The following SPTBN1 variants were observed in gnomAD, a reference collection of about 807,000 sequenced individuals.
SPTBN1 encodes spectrin beta chain, non-erythrocytic 1.
A neutral mutation model predicts 266.4 loss-of-function variants in SPTBN1; 32 were observed. The observed-to-expected ratio is 0.12, with a 90% CI of 0.09 to 0.16. The LOEUF (loss-of-function observed/expected upper bound fraction) is 0.16. Among genes scored for constraint, SPTBN1 ranks in the 10% least tolerant of loss-of-function variants. SPTBN1 has a pLI of 1.00. For missense variants in SPTBN1, 2,296 were observed against 3,067.1 expected (o/e 0.75, Z 5.94); for synonymous variants, 1,336 against 1,162.2 (o/e 1.15, Z -3.04).
chr2:54,557,738 T>C, intron 2 of SPTBN1: 1 of 985,414 alleles, frequency 1.0e-6, no homozygotes, highest in South Asian at 4.7e-5. Flanking sequence ...CGAATTCCTA[T>C]CATAGGCCCG....
chr2:54,528,979 C>A (rs962659767), intron 2 of SPTBN1, among the ~76,000 whole-genome samples: 1 of 152,038 alleles, frequency 6.6e-6, no homozygotes, highest in African/African-American at 2.4e-5. Context: ...TATTTTACTT[C>A]CTTATTCTGT....
chr2:54,575,069 T>C (rs4346422), intron 2 of SPTBN1, among the ~76,000 whole-genome samples: 48,468 of 152,026 alleles, frequency 0.32, 9,522 homozygotes, highest in African/African-American at 0.56. Flanking sequence ...TTTCTGTGAA[T>C]TCAAGGCGTG....
chr2:54,460,593 C>T (rs1693313833), intron 1 of SPTBN1, among the ~76,000 whole-genome samples: 1 of 152,222 alleles, frequency 6.6e-6, no homozygotes, highest in Admixed American at 6.5e-5. Flanking sequence ...ATCTTGATGT[C>T]TGTCATCTGA....
chr2:54,529,441 C>T (rs1277109405), intron 2 of SPTBN1: 1 of 709,468 alleles, frequency 1.4e-6, no homozygotes, highest in Non-Finnish European at 2.6e-6. Flanking sequence ...TGAAAGGTGT[C>T]CACGGCCACA....
intron 1 of SPTBN1, chr2:54,457,142 C>T (rs1445590128): frequency 9.3e-6 from 1 of 107,956 alleles, no homozygotes; most frequent in Non-Finnish European, 1.9e-5. Context: ...GCTTGCTACC[C>T]TCGTGCGCCC....
At chr2:54,456,884 C>T (rs1693062997) in intron 1 of SPTBN1, among the ~76,000 whole-genome samples, 1 of 151,488 alleles carries the variant, frequency 6.6e-6, no homozygotes, top group Non-Finnish European at 1.5e-5. Flanking sequence ...TGCAGCCGGG[C>T]GCGGCGGCCC....
intron 4 of SPTBN1, among the ~76,000 whole-genome samples, chr2:54,614,298 C>A (rs568067545): frequency 6.6e-6 from 1 of 152,128 alleles, no homozygotes; most frequent in Admixed American, 6.5e-5. Context: ...CTTGTAGATA[C>A]ATAGGGTCAA....
intron 27 of SPTBN1, among the ~76,000 whole-genome samples, chr2:54,654,753 C>T (rs1244593894): frequency 6.6e-6 from 1 of 152,214 alleles, no homozygotes; most frequent in Admixed American, 6.5e-5. Context: ...ACTTGCATTT[C>T]AAAGTAAAAG....
At chr2:54,644,619 A>T (rs768176019) in intron 20 of SPTBN1, 33 bp downstream of exon 20, 14 of 1,578,072 alleles carry the variant, frequency 8.9e-6, no homozygotes, top group Admixed American at 5.2e-5. Flanking sequence ...ACTTGGGTGT[A>T]TTTCTGTTTT....
Position 54,628,897 on chromosome 2 carries a change from C to T in SPTBN1, c.1799-36C>T, listed in dbSNP as rs759681370. The T allele has an allele frequency of 6.5e-7, 1 of 1,544,292 alleles. No individual in the cohort carries two copies. Among genetic ancestry groups the T allele is most frequent in the Non-Finnish European group, 8.7e-7 (1 of 1,146,742 alleles). ...TGAGCCTGCACCCATGCTGAGCTCC[C>T]TCACACAGCCACGTTCCTTCCTTGA... On this transcript the variant is annotated intron_variant, in intron 13 of 35. Transcript: ENST00000356805. The surrounding 1 kb of genome is among the most constrained non-coding windows in gnomAD (Gnocchi z 4.3).
chr2:54,656,038 A>C, intron 29 of SPTBN1, 40 bp downstream of exon 29: 1 of 1,514,536 alleles, frequency 6.6e-7, no homozygotes, highest in Non-Finnish European at 9.1e-7. Context: ...TTGGGTATCA[A>C]TGGAAAACAT....
intron 12 of SPTBN1, among the ~76,000 whole-genome samples, chr2:54,627,789 C>G (rs1323312828): frequency 4.8e-4 from 73 of 151,360 alleles, no homozygotes; most frequent in Non-Finnish European, 1.0e-3. Flanking sequence ...GCCCCCTCCC[C>G]CCCACCCTGG....
At chr2:54,532,561 T>C (rs1671320367) in intron 2 of SPTBN1, among the ~76,000 whole-genome samples, 2 of 152,226 alleles carry the variant, frequency 1.3e-5, no homozygotes, top group South Asian at 4.1e-4. Flanking sequence ...GAGGTGTTAC[T>C]GTTTACAGTT....
intron 2 of SPTBN1, among the ~76,000 whole-genome samples, chr2:54,560,257 G>A (rs921037945): frequency 3.9e-5 from 6 of 151,974 alleles, no homozygotes; most frequent in Admixed American, 3.9e-4. Context: ...TCCACTGCGT[G>A]CTCCTCCTCT....
At chr2:54,585,218 T>C (rs1355148338) in intron 2 of SPTBN1, among the ~76,000 whole-genome samples, 1 of 152,172 alleles carries the variant, frequency 6.6e-6, no homozygotes, top group African/African-American at 2.4e-5. Flanking sequence ...TGTATAAAAG[T>C]GTGTTTAAAG....
At chr2:54,556,295 T>C (rs1672869979) in intron 2 of SPTBN1, among the ~76,000 whole-genome samples, 1 of 152,224 alleles carries the variant, frequency 6.6e-6, no homozygotes, top group Admixed American at 6.5e-5. Context: ...TCCAAACCTT[T>C]CTAATACTTG....
Position 54,617,693 on chromosome 2 carries a change from G to A in SPTBN1, c.647+5G>A, listed in dbSNP as rs1037356517. ...TGCACTGATACACAAACACCGGTAA[G>A]TCCATACAAATCATCCTAGCAATCG... On this transcript the variant is annotated splice_donor_5th_base_variant and intron_variant, in intron 6 of 35. Coordinates refer to ENST00000356805, the MANE Select transcript of SPTBN1 (RefSeq NM_003128.3). The A allele has an allele frequency of 6.2e-7, 1 of 1,613,726 alleles. No homozygotes were observed. The highest frequency in any genetic ancestry group is 8.5e-7 in the Non-Finnish European group (1 of 1,179,834).
intron 28 of SPTBN1, among the ~76,000 whole-genome samples, chr2:54,655,519 G>T (rs1680592377): frequency 6.6e-6 from 1 of 152,202 alleles, no homozygotes; most frequent in Non-Finnish European, 1.5e-5. Flanking sequence ...GCTGTTGAGT[G>T]CATGGTTGGT....
rs183748122 is a variant in SPTBN1, at chr2:54,607,507, C to T, written c.301-4654C>T. 3.6e-3 allele frequency among the ~76,000 whole-genome samples: 541 copies of T among 152,100 alleles called. 6 individuals are homozygous for T. The highest frequency in any genetic ancestry group is 0.012 in the African/African-American group (504 of 41,498). On this transcript the variant is annotated intron_variant, in intron 3 of 35. Transcript: ENST00000356805. ...GCGTGGTGACTGGTGCCTATAACCC[C>T]GCTACTTGGGAGGCTGAGGCAGGAG...
Sources: gnomAD v4.1 joint callset for allele counts (sites outside exome capture counted in the v4.1 genomes callset) on GRCh38, gnomAD v4.1.1 for gene constraint, Gnocchi (gnomAD v3.1) non-coding constraint, MANE v1.5 for transcripts, NCBI Gene and HGNC (gene_info 2026-07-23, HGNC 2026-07-21) for gene names.